CNTLN: variants seen among roughly 807,000 people sequenced by gnomAD.
The protein encoded by CNTLN is centlein, centrosomal protein.
In CNTLN, 212 loss-of-function variants were observed where a neutral mutation model predicts 180.0. The observed-to-expected ratio is 1.18, with a 90% CI of 1.05 to 1.32. The LOEUF (loss-of-function observed/expected upper bound fraction) is 1.32, where lower values mean the gene tolerates loss of function less well. CNTLN is among the 40% of genes most tolerant of loss of function. The probability of loss-of-function intolerance (pLI) is 0.00; values close to 1 mark genes in which losing one functional copy is unlikely to be tolerated. For missense variants in CNTLN, 2,095 were observed against 1,610.9 expected (o/e 1.30, Z -5.14); for synonymous variants, 722 against 563.1 (o/e 1.28, Z -3.99).
At chr9:17,281,265 T>C (rs1828642926) in intron 6 of CNTLN, among the ~76,000 whole-genome samples, 1 of 140,726 alleles carries the variant, frequency 7.1e-6, no homozygotes, top group Non-Finnish European at 1.6e-5. Context: ...GTCCTGTTAT[T>C]TTATTTTATT....
chr9:17,410,660 A>G (rs1827777199), intron 16 of CNTLN, among the ~76,000 whole-genome samples: 1 of 151,560 alleles, frequency 6.6e-6, no homozygotes, highest in South Asian at 2.1e-4. Flanking sequence ...CTTTTCCTAT[A>G]TTTTTCTGAT....
the CNTLN span, among the ~76,000 whole-genome samples, chr9:17,511,603 G>A: frequency 6.6e-6 from 1 of 151,542 alleles, no homozygotes; most frequent in Non-Finnish European, 1.5e-5. Flanking sequence ...TTTGCCACAC[G>A]AGTCTCTTCA....
intron 12 of CNTLN, among the ~76,000 whole-genome samples, chr9:17,353,972 G>C (rs1822589643): frequency 6.6e-6 from 1 of 152,202 alleles, no homozygotes; most frequent in African/African-American, 2.4e-5. Context: ...TGTGTGCGGT[G>C]CTTGTTGGCC....
At chr9:17,309,758 A>G (rs1394089619) in intron 8 of CNTLN, among the ~76,000 whole-genome samples, 2 of 152,100 alleles carry the variant, frequency 1.3e-5, no homozygotes, top group Non-Finnish European at 1.5e-5. Flanking sequence ...ATAAATATGT[A>G]GGATCTGGTT....
chr9:17,342,653 G>A (rs529011228), intron 12 of CNTLN, among the ~76,000 whole-genome samples: 1 of 152,250 alleles, frequency 6.6e-6, no homozygotes, highest in East Asian at 1.9e-4. Flanking sequence ...AACAGAAACT[G>A]GATAATATGA....
chr9:17,348,410 C>T (rs1204348925), intron 12 of CNTLN, among the ~76,000 whole-genome samples: 1 of 152,158 alleles, frequency 6.6e-6, no homozygotes, highest in Non-Finnish European at 1.5e-5. Context: ...AGATGGGAGA[C>T]TTACTCCTCC....
intron 10 of CNTLN, among the ~76,000 whole-genome samples, chr9:17,336,909 G>C (rs764173880): frequency 6.6e-6 from 1 of 152,070 alleles, no homozygotes; most frequent in Non-Finnish European, 1.5e-5. Context: ...CACAATGGTT[G>C]AACTAATTTA....
At chr9:17,351,986 C>G (rs1438561371) in intron 12 of CNTLN, among the ~76,000 whole-genome samples, 2 of 152,166 alleles carry the variant, frequency 1.3e-5, no homozygotes, top group East Asian at 3.9e-4. Context: ...GTTTTCCTAG[C>G]TGATACTGAG....
At chr9:17,319,456 A>AT (rs1177790121) in intron 8 of CNTLN, among the ~76,000 whole-genome samples, 26 of 152,050 alleles carry the variant, frequency 1.7e-4, no homozygotes, top group Admixed American at 1.2e-3. Flanking sequence ...GTTTTATTTC[A>AT]TTTTTTTCTA....
chr9:17,437,280 A>C (rs1206141428), intron 18 of CNTLN, among the ~76,000 whole-genome samples: 1 of 152,172 alleles, frequency 6.6e-6, no homozygotes, highest in Non-Finnish European at 1.5e-5. Context: ...GGAAACTATT[A>C]TTACCACTTG....
chr9:17,408,805 A>AG (rs1429141066), intron 15 of CNTLN, among the ~76,000 whole-genome samples: 1 of 151,312 alleles, frequency 6.6e-6, no homozygotes, highest in Non-Finnish European at 1.5e-5. Flanking sequence ...TGTCTTAAAA[A>AG]AAAAAAAAAG....
intron 18 of CNTLN, among the ~76,000 whole-genome samples, chr9:17,440,389 G>A (rs561046367): frequency 1.2e-4 from 18 of 149,232 alleles, no homozygotes; most frequent in South Asian, 4.3e-4. Context: ...CTGGCTAACA[G>A]GGTGAAACCC....
intron 13 of CNTLN, among the ~76,000 whole-genome samples, chr9:17,367,023 A>G (rs1823883635): frequency 6.6e-6 from 1 of 152,204 alleles, no homozygotes; most frequent in Admixed American, 6.5e-5. Flanking sequence ...ACACCTACAT[A>G]AGAATCAGAA....
rs115167783 is a variant in CNTLN, at chr9:17,319,312, C to T, written c.1341+10060C>T. 5.2e-3 allele frequency among the ~76,000 whole-genome samples: 794 copies of T among 152,292 alleles called. 5 individuals carry two copies. The highest frequency in any genetic ancestry group is 0.018 in the African/African-American group (762 of 41,558). Reference sequence around the variant, plus strand: ...ATTATCCTAATTCAGTACGTCTGGGCTGGGGCCTGAGATTCTGCATTTCTG... The same window carrying T: ...ATTATCCTAATTCAGTACGTCTGGGTTGGGGCCTGAGATTCTGCATTTCTG... On this transcript the variant is annotated intron_variant, in intron 8 of 25. Coordinates refer to ENST00000380647, the MANE Select transcript of CNTLN (RefSeq NM_017738.4).
intron 12 of CNTLN, among the ~76,000 whole-genome samples, chr9:17,357,089 G>T (rs942788671): frequency 2.0e-5 from 3 of 152,042 alleles, no homozygotes; most frequent in Non-Finnish European, 4.4e-5. Flanking sequence ...GGTGCTTCAT[G>T]TAAGTGGAAT....
At chr9:17,499,258 T>C (rs1833619286) in intron 25 of CNTLN, among the ~76,000 whole-genome samples, 1 of 152,134 alleles carries the variant, frequency 6.6e-6, no homozygotes, top group East Asian at 1.9e-4. Flanking sequence ...CTTTCTTGAA[T>C]CACTGAAGAT....
At chr9:17,273,062 T>C (rs1219076292) in intron 5 of CNTLN, among the ~76,000 whole-genome samples, 1 of 152,132 alleles carries the variant, frequency 6.6e-6, no homozygotes, top group Non-Finnish European at 1.5e-5. Flanking sequence ...ATAATGAATG[T>C]ATGGTGTTTC....
At chr9:17,298,055 T>C in intron 6 of CNTLN, 135 bp from the exon 7 acceptor site, 3 of 549,286 alleles carry the variant, frequency 5.5e-6, no homozygotes, top group Non-Finnish European at 8.9e-6. Flanking sequence ...TTATTTCTTT[T>C]ATTAATAAGT....
rs968425149 is a variant in CNTLN, at chr9:17,330,882, A to T, written c.1518+74A>T. The T allele has an allele frequency of 4.5e-6, 6 of 1,331,630 alleles. No individual in the cohort carries two copies. In the South Asian group the frequency reaches 8.3e-5, roughly 18 times the overall value. 82.5% of individuals were successfully genotyped at this position (1,331,630 alleles called of 1,614,324 possible). The stretch of plus-strand genomic sequence containing the variant: ...GACAAGAGATGAAGTTAAAAAACAA[A>T]TGGCAGCATTTACTTCTCTGCTTGT... On this transcript the variant is annotated intron_variant, in intron 9 of 25. Coordinates refer to ENST00000380647, the MANE Select transcript of CNTLN (RefSeq NM_017738.4).
Sources: gnomAD v4.1 joint callset for allele counts (sites outside exome capture counted in the v4.1 genomes callset) on GRCh38, gnomAD v4.1.1 for gene constraint, MANE v1.5 for transcripts, NCBI Gene and HGNC (gene_info 2026-07-23, HGNC 2026-07-21) for gene names.